OTUD7A: variants seen among roughly 807,000 people sequenced by gnomAD.
The protein encoded by OTUD7A is OTU deubiquitinase 7A.
In OTUD7A, 12 loss-of-function variants were observed where a neutral mutation model predicts 65.7. The observed-to-expected ratio is 0.18, with a 90% CI of 0.12 to 0.30. The LOEUF (loss-of-function observed/expected upper bound fraction) is 0.30, where lower values mean the gene tolerates loss of function less well. Ranked by LOEUF, OTUD7A falls within the 10% of genes least tolerant of loss-of-function variation. The pLI is 1.00. For missense variants in OTUD7A, 1,148 were observed against 1,304.8 expected (o/e 0.88, Z 1.85); for synonymous variants, 641 against 586.3 (o/e 1.09, Z -1.35).
At chr15:31,510,007 T>C (rs2041657844) in intron 8 of OTUD7A, among the ~76,000 whole-genome samples, 2 of 152,016 alleles carry the variant, frequency 1.3e-5, no homozygotes, top group Non-Finnish European at 2.9e-5. Flanking sequence ...TTCCTTTTTT[T>C]TTCCCGGTCT....
At chr15:31,570,577 G>T (rs1889021501) in intron 3 of OTUD7A, among the ~76,000 whole-genome samples, 1 of 152,004 alleles carries the variant, frequency 6.6e-6, no homozygotes, top group African/African-American at 2.4e-5. Flanking sequence ...ATCAATTAAA[G>T]AAAAATGAAT....
chr15:31,634,061 G>C (rs1485834240), intron 3 of OTUD7A, among the ~76,000 whole-genome samples: 1 of 152,160 alleles, frequency 6.6e-6, no homozygotes, highest in Non-Finnish European at 1.5e-5. Flanking sequence ...ACCAGACACA[G>C]ACAAGAGACT....
chr15:31,538,209 C>T (rs900100272), intron 5 of OTUD7A, among the ~76,000 whole-genome samples: 1 of 152,184 alleles, frequency 6.6e-6, no homozygotes, highest in Non-Finnish European at 1.5e-5. Context: ...TGGCCTGATG[C>T]GGCCACAGCT....
In OTUD7A at chr15:31,772,491, C is replaced by G. The variant is rs570093354; in HGVS notation, c.-100+98016G>C. Among the ~76,000 whole-genome samples, 30 of 152,248 alleles carry G rather than the reference C, an allele frequency of 2.0e-4. No individual in the cohort carries two copies. In the South Asian group the frequency reaches 5.0e-3, roughly 25 times the overall value. On this transcript the variant is annotated intron_variant, in intron 1 of 12. Transcript: ENST00000307050. ...CACAGACACTAAATCTGACGATTCT[C>G]CATGCACTGCATACACCAGGGATTC...
In OTUD7A at chr15:31,796,588, A is replaced by G. The variant is rs892496838; in HGVS notation, c.-100+73919T>C. Among the ~76,000 whole-genome samples, 7 of 152,382 alleles carry G rather than the reference A, an allele frequency of 4.6e-5. No homozygotes were observed. The East Asian group carries it at 1.3e-3, about 29-fold the overall frequency. On this transcript the variant is annotated intron_variant, in intron 1 of 12. Transcript: ENST00000307050. ...TTTCTGGATATTACGGTCTAGCCAG[A>G]TTGAAACAAAATTTAATCACCGTGA... is the stretch of plus-strand genomic sequence containing the variant.
chr15:31,632,908 T>C (rs1891221296), intron 3 of OTUD7A, among the ~76,000 whole-genome samples: 1 of 152,198 alleles, frequency 6.6e-6, no homozygotes, highest in African/African-American at 2.4e-5. Flanking sequence ...TCCGTGGGCG[T>C]AGGACCCTCC....
intron 1 of OTUD7A, among the ~76,000 whole-genome samples, chr15:31,688,140 C>T (rs1211508737): frequency 2.0e-5 from 3 of 150,764 alleles, no homozygotes; most frequent in East Asian, 2.0e-4. Flanking sequence ...TGCTTGAATC[C>T]GGTAGGTGGA....
At chr15:31,812,459 C>T (rs1334060380) in intron 1 of OTUD7A, among the ~76,000 whole-genome samples, 2 of 152,132 alleles carry the variant, frequency 1.3e-5, no homozygotes, top group Non-Finnish European at 2.9e-5. Context: ...AAGAAAGAGC[C>T]TTGGGAGAAA....
intron 4 of OTUD7A, among the ~76,000 whole-genome samples, chr15:31,567,171 C>A (rs1205213917): frequency 1.3e-5 from 2 of 152,168 alleles, no homozygotes; most frequent in African/African-American, 4.8e-5. Flanking sequence ...GACCAAAATA[C>A]GGATAATGAA....
At chr15:31,629,022 A>G (rs1397664811) in intron 3 of OTUD7A, among the ~76,000 whole-genome samples, 2 of 152,106 alleles carry the variant, frequency 1.3e-5, no homozygotes, top group African/African-American at 4.8e-5. Context: ...TAGATATACA[A>G]TCATGTCATC....
chr15:31,621,807 TATG>T (rs1890794946), intron 3 of OTUD7A, among the ~76,000 whole-genome samples: 1 of 149,914 alleles, frequency 6.7e-6, no homozygotes, highest in South Asian at 2.1e-4. Context: ...ATACTGCCAT[TATG>T]ATGTTAGCTG....
intron 3 of OTUD7A, among the ~76,000 whole-genome samples, chr15:31,588,715 T>C: frequency 6.6e-6 from 1 of 152,136 alleles, no homozygotes; most frequent in Non-Finnish European, 1.5e-5. Context: ...CTCCACACAC[T>C]CATCCAGGGA....
chr15:31,536,538 AAGAG>A (rs1200874579), intron 5 of OTUD7A, among the ~76,000 whole-genome samples: 2 of 152,254 alleles, frequency 1.3e-5, no homozygotes, highest in African/African-American at 4.8e-5. Context: ...TTCTTTAAAA[AAGAG>A]AGAAATATTA....
At chr15:31,737,796 T>G (rs1438516687) in intron 1 of OTUD7A, among the ~76,000 whole-genome samples, 1 of 152,176 alleles carries the variant, frequency 6.6e-6, no homozygotes, top group Middle Eastern at 3.2e-3. Flanking sequence ...AGAAAGAAAT[T>G]AGACTGGATT....
chr15:31,670,445 G>T (rs1049545898), intron 1 of OTUD7A, among the ~76,000 whole-genome samples: 1 of 152,068 alleles, frequency 6.6e-6, no homozygotes, highest in Non-Finnish European at 1.5e-5. Flanking sequence ...AGCATCTGTT[G>T]CTTCTTGGCT....
At chr15:31,672,706 T>G (rs1159815436) in intron 1 of OTUD7A, among the ~76,000 whole-genome samples, 1 of 152,198 alleles carries the variant, frequency 6.6e-6, no homozygotes, top group African/African-American at 2.4e-5. Flanking sequence ...AGGTGTCAGG[T>G]CAAAACATCT....
chr15:31,686,460 T>A (rs536340958), intron 1 of OTUD7A, among the ~76,000 whole-genome samples: 4 of 152,364 alleles, frequency 2.6e-5, no homozygotes, highest in Admixed American at 2.6e-4. Flanking sequence ...GTGATTTCCT[T>A]GGTGTTGATG....
intron 1 of OTUD7A, among the ~76,000 whole-genome samples, chr15:31,783,685 A>G (rs762544400): frequency 6.6e-6 from 1 of 152,216 alleles, no homozygotes; most frequent in Non-Finnish European, 1.5e-5. Context: ...GTCCTGAGGC[A>G]GAGCACCTGT....
chr15:31,525,656 C>A (rs2042000689), intron 8 of OTUD7A, among the ~76,000 whole-genome samples: 1 of 152,254 alleles, frequency 6.6e-6, no homozygotes, highest in Admixed American at 6.5e-5. Context: ...TCTCTAGGAG[C>A]AACACCTTTG....
Sources: gnomAD v4.1 joint callset for allele counts (sites outside exome capture counted in the v4.1 genomes callset) on GRCh38, gnomAD v4.1.1 for gene constraint, MANE v1.5 for transcripts, NCBI Gene and HGNC (gene_info 2026-07-23, HGNC 2026-07-21) for gene names.